RSRC1: variants seen among roughly 807,000 people sequenced by gnomAD.
The protein encoded by RSRC1 is arginine and serine rich coiled-coil 1.
Under a neutral mutation model 49.1 loss-of-function variants are expected in RSRC1, and 39 were observed. The ratio of observed to expected loss-of-function variants is 0.79; its 90% CI spans 0.61 to 1.04. The LOEUF (loss-of-function observed/expected upper bound fraction) is 1.04. RSRC1 is among the 50% of genes least tolerant of loss of function. RSRC1 has a pLI of 0.00. For synonymous variants in RSRC1, 143 were observed against 130.8 expected (o/e 1.09, Z -0.63); for missense variants, 388 against 402.4 (o/e 0.96, Z 0.31).
chr3:158,520,612 T>C (rs1047159753), intron 7 of RSRC1, among the ~76,000 whole-genome samples: 1 of 152,182 alleles, frequency 6.6e-6, no homozygotes, highest in African/African-American at 2.4e-5. Context: ...CACTGTCTTA[T>C]TGCTTCTGGA....
chr3:158,137,051 A>G (rs1423855926), intron 3 of RSRC1, among the ~76,000 whole-genome samples: 1 of 152,178 alleles, frequency 6.6e-6, no homozygotes, highest in Non-Finnish European at 1.5e-5. Context: ...CCAGACCATG[A>G]GTCTAACCAT....
intron 4 of RSRC1, among the ~76,000 whole-genome samples, chr3:158,233,269 G>A (rs888052574): frequency 1.3e-5 from 2 of 152,074 alleles, no homozygotes; most frequent in African/African-American, 4.8e-5. Flanking sequence ...GGCCAAAGCC[G>A]TCTATATTTT....
intron 4 of RSRC1, among the ~76,000 whole-genome samples, chr3:158,242,625 ACT>A (rs1186512109): frequency 4.6e-5 from 7 of 152,100 alleles, no homozygotes; most frequent in Non-Finnish European, 1.0e-4. Flanking sequence ...GAGTTGCCAC[ACT>A]GTCTTCCACA....
intron 3 of RSRC1, among the ~76,000 whole-genome samples, chr3:158,172,307 CTG>C (rs1718924885): frequency 6.6e-6 from 1 of 152,192 alleles, no homozygotes; most frequent in Non-Finnish European, 1.5e-5. Context: ...ATTATTTTAA[CTG>C]TTCACAATTT....
intron 4 of RSRC1, among the ~76,000 whole-genome samples, chr3:158,257,868 G>A (rs1270744905): frequency 1.3e-5 from 2 of 152,040 alleles, no homozygotes; most frequent in Admixed American, 6.5e-5. Context: ...TTAAACTGAT[G>A]TCAACTTAAC....
At chr3:158,296,850 A>C (rs1316163045) in intron 4 of RSRC1, among the ~76,000 whole-genome samples, 1 of 152,050 alleles carries the variant, frequency 6.6e-6, no homozygotes, top group Non-Finnish European at 1.5e-5. Flanking sequence ...GTGGGAATTT[A>C]CTCTAATATG....
At chr3:158,237,134 C>G (rs114761494) in intron 4 of RSRC1, among the ~76,000 whole-genome samples, 2,436 of 152,250 alleles carry the variant, frequency 0.016, 86 homozygotes, top group African/African-American at 0.056. Context: ...ATCTTATGAT[C>G]AGCTTTGACA....
intron 3 of RSRC1, among the ~76,000 whole-genome samples, chr3:158,194,863 A>C (rs1359028175): frequency 1.3e-5 from 2 of 152,096 alleles, no homozygotes; most frequent in African/African-American, 4.8e-5. Flanking sequence ...TCCATGGTGT[A>C]TATGTGCCAC....
chr3:158,490,778 C>G (rs1739054702), intron 7 of RSRC1, among the ~76,000 whole-genome samples: 1 of 152,180 alleles, frequency 6.6e-6, no homozygotes, highest in Admixed American at 6.5e-5. Context: ...TGATGCTAAT[C>G]TTAATCTGCT....
intron 7 of RSRC1, among the ~76,000 whole-genome samples, chr3:158,478,665 A>G (rs573328473): frequency 3.1e-4 from 47 of 152,034 alleles, no homozygotes; most frequent in African/African-American, 1.1e-3. Context: ...CTTCACTCCA[A>G]TTATTTCTTT....
intron 4 of RSRC1, among the ~76,000 whole-genome samples, chr3:158,235,546 T>C (rs1730060): frequency 0.02 from 2,982 of 152,296 alleles, 33 homozygotes; most frequent in Admixed American, 0.022. Flanking sequence ...ATACAAAATG[T>C]GCATATGCTA....
chr3:158,334,597 C>T (rs1729763068), intron 5 of RSRC1, among the ~76,000 whole-genome samples: 2 of 151,384 alleles, frequency 1.3e-5, no homozygotes, highest in South Asian at 4.2e-4. Context: ...TCTCCTGCCT[C>T]AGCTTCCCAA....
rs143179559 is a variant in RSRC1 at position 158,207,772 on chromosome 3, A to G, written c.494+4527A>G. 6.5e-4 allele frequency among the ~76,000 whole-genome samples: 99 copies of G among 152,254 alleles called. No individual in the cohort carries two copies. The East Asian group carries it at 0.015, about 23-fold the overall frequency. ...AAAGCAAGGTAAAGGTTGTTTATAA[A>G]TTGGGAAAAACAAAACAGGAAAGAA... On this transcript the variant is annotated intron_variant, in intron 4 of 9. Transcript: ENST00000611884.
In RSRC1 at chr3:158,122,264, G is replaced by A. The variant is rs754783375; in HGVS notation, c.160G>A (p.Asp54Asn). ...ATCAAAGTCAAGATCTTGGTCCAGA[G>A]ATCTTCAGCCTCGTTCACATTCTTA... ...SRSKSRSWSR[D>N]LQPRSHSYDR... The change falls in exon 2 of 10, where the codon GAT (aspartate) becomes AAT (asparagine). Residue 54 changes from aspartate (D) to asparagine (N), a missense_variant. Physicochemically the swap from Asp to Asn is conservative, Grantham distance 23. Transcript: ENST00000611884. The A allele has an allele frequency of 2.5e-6, 4 of 1,598,672 alleles. No homozygotes were observed. Among genetic ancestry groups the A allele is most frequent in the Non-Finnish European group, 3.4e-6 (4 of 1,172,256 alleles).
chr3:158,138,038 C>T (rs1390639120), intron 3 of RSRC1, among the ~76,000 whole-genome samples: 2 of 152,132 alleles, frequency 1.3e-5, no homozygotes, highest in African/African-American at 4.8e-5. Context: ...CATCTTGACT[C>T]ACATTGGAGC....
Position 158,400,008 on chromosome 3 carries a change from A to G in RSRC1, c.583+45100A>G, listed in dbSNP as rs147626212. Among the ~76,000 whole-genome samples the G allele has an allele frequency of 4.8e-3, 733 of 152,304 alleles. 6 individuals carry two copies. Among genetic ancestry groups the G allele is most frequent in the African/African-American group, 0.017 (711 of 41,588 alleles). On this transcript the variant is annotated intron_variant, in intron 6 of 9. Coordinates refer to ENST00000611884, the MANE Select transcript of RSRC1 (RefSeq NM_001271838.2). ...CAATTAATTTACTAATTGTAACCTA[A>G]CTGATAGAAACTCAAAAAGATGTTT...
chr3:158,462,582 T>C (rs1465871525), intron 7 of RSRC1, among the ~76,000 whole-genome samples: 3 of 151,980 alleles, frequency 2.0e-5, no homozygotes, highest in African/African-American at 7.2e-5. Context: ...TCAAGGTGAT[T>C]TGTTTTTATG....
At chr3:158,228,696 T>C (rs569624432) in intron 4 of RSRC1, among the ~76,000 whole-genome samples, 12 of 152,002 alleles carry the variant, frequency 7.9e-5, no homozygotes, top group African/African-American at 2.6e-4. Context: ...CTGATAACGA[T>C]TTTATAAATT....
chr3:158,432,173 G>C (rs758724597), intron 6 of RSRC1, among the ~76,000 whole-genome samples: 1 of 151,898 alleles, frequency 6.6e-6, no homozygotes, highest in Non-Finnish European at 1.5e-5. Context: ...CTCCGGCTAT[G>C]TTCTGCGCCT....
Sources: gnomAD v4.1 joint callset for allele counts (sites outside exome capture counted in the v4.1 genomes callset) on GRCh38, gnomAD v4.1.1 for gene constraint, MANE v1.5 for transcripts, NCBI Gene and HGNC (gene_info 2026-07-23, HGNC 2026-07-21) for gene names.